TENM4: variants seen among roughly 807,000 people sequenced by gnomAD.
The protein encoded by TENM4 is teneurin-4.
Under a neutral mutation model 243.3 loss-of-function variants are expected in TENM4, and 82 were observed. That is an observed-to-expected ratio of 0.34 (90% CI 0.28 to 0.40). TENM4 has a LOEUF of 0.40. Ranked by LOEUF, TENM4 falls within the 10% of genes least tolerant of loss-of-function variation. TENM4 has a pLI of 1.00. For synonymous variants in TENM4, 1,412 were observed against 1,456.3 expected, an observed-to-expected ratio of 0.97 and a Z score of 0.69; for missense variants, 3,138 against 3,673.3, an observed-to-expected ratio of 0.85 and a Z score of 3.77.
chr11:79,379,410 G>C (rs1049220077), intron 1 of TENM4, among the ~76,000 whole-genome samples: 2 of 152,210 alleles, frequency 1.3e-5, no homozygotes, highest in Non-Finnish European at 2.9e-5. Context: ...GCTGTGTGGA[G>C]ACTGTACTAG....
At chr11:78,703,943 C>T (rs79803133) in intron 27 of TENM4, among the ~76,000 whole-genome samples, 5,782 of 150,584 alleles carry the variant, frequency 0.038, 217 homozygotes, top group African/African-American at 0.096. Context: ...CCTCCACCTT[C>T]CAGGCTAAAG....
chr11:78,960,302 A>C (rs146417886), intron 6 of TENM4, among the ~76,000 whole-genome samples: 1 of 152,220 alleles, frequency 6.6e-6, no homozygotes, highest in African/African-American at 2.4e-5. Flanking sequence ...GTCATGGAGA[A>C]TGCAGGGTGT....
At chr11:78,666,420 G>A (rs946709778) in intron 32 of TENM4, among the ~76,000 whole-genome samples, 2 of 152,218 alleles carry the variant, frequency 1.3e-5, no homozygotes, top group Non-Finnish European at 2.9e-5. Context: ...CCTAGTCAAA[G>A]AAATTTGAGA....
chr11:78,872,960 G>A (rs1264173413), intron 9 of TENM4, among the ~76,000 whole-genome samples: 4 of 152,286 alleles, frequency 2.6e-5, no homozygotes, highest in Admixed American at 2.0e-4. Flanking sequence ...GAGGAATGAG[G>A]GCAGACAGCT....
Position 79,134,246 on chromosome 11 carries a change from A to G in TENM4, c.-66+14464T>C, listed in dbSNP as rs558031969. 6.6e-5 allele frequency among the ~76,000 whole-genome samples: 10 copies of G among 152,268 alleles called. No individual in the cohort carries two copies. The East Asian group carries it at 1.9e-3, about 29-fold the overall frequency. On this transcript the variant is annotated intron_variant, in intron 4 of 33. Coordinates refer to ENST00000278550, the MANE Select transcript of TENM4 (RefSeq NM_001098816.3). Reference sequence around the variant, plus strand: ...AAATCAGGAACTCAACTCCTTTTACAATAGCTGCAAAAAAATAACATACTT... The same window carrying G: ...AAATCAGGAACTCAACTCCTTTTACGATAGCTGCAAAAAAATAACATACTT...
intron 6 of TENM4, among the ~76,000 whole-genome samples, chr11:78,912,887 T>G (rs1407212397): frequency 6.6e-6 from 1 of 152,198 alleles, no homozygotes; most frequent in Non-Finnish European, 1.5e-5. Context: ...AGTAGAACTC[T>G]CTCACAACAT....
chr11:79,049,790 C>G (rs1034259675), intron 6 of TENM4, among the ~76,000 whole-genome samples: 5 of 152,206 alleles, frequency 3.3e-5, no homozygotes, highest in Non-Finnish European at 5.9e-5. Context: ...GAGTCTTGAG[C>G]TTCCATGGTA....
intron 2 of TENM4, among the ~76,000 whole-genome samples, chr11:79,232,329 G>A (rs187331932): frequency 7.2e-5 from 11 of 152,304 alleles, no homozygotes; most frequent in African/African-American, 2.2e-4. Context: ...GCAGGTTAAG[G>A]CCAAGAGAGC....
At chr11:79,289,750 T>C (rs886304535) in intron 2 of TENM4, among the ~76,000 whole-genome samples, 5 of 152,352 alleles carry the variant, frequency 3.3e-5, no homozygotes, top group African/African-American at 1.2e-4. Context: ...GCACAAACTA[T>C]ACCTCTCTCT....
intron 6 of TENM4, among the ~76,000 whole-genome samples, chr11:79,005,698 C>T (rs951329352): frequency 1.3e-5 from 2 of 152,026 alleles, no homozygotes; most frequent in Admixed American, 6.6e-5. Flanking sequence ...AAAAGGATGC[C>T]CACTCTCACC....
intron 2 of TENM4, among the ~76,000 whole-genome samples, chr11:79,280,551 T>C (rs1249019096): frequency 2.0e-5 from 3 of 152,138 alleles, no homozygotes; most frequent in Non-Finnish European, 2.9e-5. Flanking sequence ...GCACAGACTA[T>C]ACTACACCTG....
At chr11:79,363,471 G>A (rs1001765911) in intron 1 of TENM4, among the ~76,000 whole-genome samples, 6 of 152,236 alleles carry the variant, frequency 3.9e-5, no homozygotes, top group African/African-American at 1.2e-4. Context: ...TTGTGGCTGT[G>A]CCACTTCCCA....
At chr11:79,307,481 A>C (rs1856645772) in intron 1 of TENM4, among the ~76,000 whole-genome samples, 1 of 151,920 alleles carries the variant, frequency 6.6e-6, no homozygotes, top group Non-Finnish European at 1.5e-5. Context: ...AATCTCTCCC[A>C]ATTCTGTCCA....
At chr11:79,388,872 G>A (rs1858171299) in intron 1 of TENM4, among the ~76,000 whole-genome samples, 2 of 152,182 alleles carry the variant, frequency 1.3e-5, no homozygotes, top group South Asian at 4.1e-4. Flanking sequence ...CGGAGCTAAA[G>A]CTTAATGGAG....
chr11:79,383,292 T>C (rs574252), intron 1 of TENM4, among the ~76,000 whole-genome samples: 77,206 of 152,060 alleles, frequency 0.51, 19,716 homozygotes, highest in Non-Finnish European at 0.55. Context: ...TGCTCTCTTT[T>C]GGCTTCAGAA....
chr11:79,401,386 G>A (rs1184615998), intron 1 of TENM4, among the ~76,000 whole-genome samples: 1 of 152,180 alleles, frequency 6.6e-6, no homozygotes, highest in Non-Finnish European at 1.5e-5. Flanking sequence ...TGCTGAGGCT[G>A]TCTAACCCCG....
chr11:79,294,879 C>G (rs1856422888), intron 2 of TENM4, among the ~76,000 whole-genome samples: 1 of 152,094 alleles, frequency 6.6e-6, no homozygotes. Flanking sequence ...TCAAGAGTTA[C>G]ATGCAGGTGT....
At chr11:78,713,623 T>C (rs913074330) in intron 25 of TENM4, among the ~76,000 whole-genome samples, 1 of 152,206 alleles carries the variant, frequency 6.6e-6, no homozygotes, top group African/African-American at 2.4e-5. Flanking sequence ...ATAGTCCTTA[T>C]GTGCAAAATA....
intron 1 of TENM4, among the ~76,000 whole-genome samples, chr11:79,357,087 CA>C (rs1857509460): frequency 1.3e-5 from 2 of 152,250 alleles, no homozygotes; most frequent in Admixed American, 6.5e-5. Flanking sequence ...GGCTAGGAGA[CA>C]GAGCAAATGA....
Sources: gnomAD v4.1 joint callset for allele counts (sites outside exome capture counted in the v4.1 genomes callset) on GRCh38, gnomAD v4.1.1 for gene constraint, MANE v1.5 for transcripts, NCBI Gene and HGNC (gene_info 2026-07-23, HGNC 2026-07-21) for gene names.